STK32B: variants seen among roughly 807,000 people sequenced by gnomAD.
STK32B encodes serine/threonine-protein kinase 32B.
Under a neutral mutation model 52.6 loss-of-function variants are expected in STK32B, and 43 were observed. The observed-to-expected ratio is 0.82, with a 90% confidence interval of 0.64 to 1.05. The LOEUF is 1.05. Ranked by LOEUF, STK32B falls within the 50% of genes least tolerant of loss-of-function variation. The pLI is 0.00. For missense variants in STK32B, 621 were observed against 534.6 expected (o/e 1.16, Z -1.59); for synonymous variants, 238 against 204.3 (o/e 1.17, Z -1.41).
At chr4:5,177,443 G>A (rs578220164) in intron 3 of STK32B, among the ~76,000 whole-genome samples, 67 of 152,240 alleles carry the variant, frequency 4.4e-4, no homozygotes, top group Admixed American at 1.4e-3. Flanking sequence ...TTCACGATGC[G>A]ACTTGAGTGG....
intron 3 of STK32B, among the ~76,000 whole-genome samples, chr4:5,236,296 C>T (rs984781326): frequency 6.6e-6 from 1 of 152,168 alleles, no homozygotes; most frequent in African/African-American, 2.4e-5. Context: ...CAAGCCTCCC[C>T]TCCAAGACTC....
chr4:5,497,697 A>G (rs1409876626), intron 11 of STK32B, among the ~76,000 whole-genome samples: 1 of 126,768 alleles, frequency 7.9e-6, no homozygotes, highest in African/African-American at 4.0e-5. Context: ...AACACTAGGC[A>G]TTCCCACTGT....
Position 5,122,409 on chromosome 4 carries a change from C to T in STK32B, c.53-17496C>T, listed in dbSNP as rs111066719. 8.9e-3 allele frequency among the ~76,000 whole-genome samples: 1,347 copies of T among 152,116 alleles called. 16 individuals carry two copies. Among genetic ancestry groups the T allele is most frequent in the African/African-American group, 0.027 (1,137 of 41,446 alleles). On this transcript the variant is annotated intron_variant, in intron 1 of 11. Coordinates refer to ENST00000282908, the MANE Select transcript of STK32B (RefSeq NM_018401.3). ...ACTCACTCATTCATTCACTCACTCA[C>T]TCATTCATTCACTCATTAACCTACT...
chr4:5,068,984 C>T (rs911070382), intron 1 of STK32B, among the ~76,000 whole-genome samples: 15 of 152,144 alleles, frequency 9.9e-5, no homozygotes, highest in African/African-American at 1.4e-4. Flanking sequence ...TTATTAACAA[C>T]GGTCACCAAT....
intron 3 of STK32B, among the ~76,000 whole-genome samples, chr4:5,294,724 A>G (rs1407529072): frequency 6.6e-6 from 1 of 152,180 alleles, no homozygotes; most frequent in Non-Finnish European, 1.5e-5. Flanking sequence ...GCAAACAGAG[A>G]CAATTTGACT....
At chr4:5,240,773 TG>T (rs1724969352) in intron 3 of STK32B, among the ~76,000 whole-genome samples, 2 of 152,194 alleles carry the variant, frequency 1.3e-5, no homozygotes, top group Non-Finnish European at 2.9e-5. Flanking sequence ...TACAGTCAAA[TG>T]TATCAATTTT....
chr4:5,417,580 A>G (rs1391408123), intron 6 of STK32B, among the ~76,000 whole-genome samples: 2 of 152,074 alleles, frequency 1.3e-5, no homozygotes, highest in African/African-American at 2.4e-5. Flanking sequence ...TGAAGTCTTC[A>G]TTTCTGAAAT....
At chr4:5,081,720 C>A (rs1449357372) in intron 1 of STK32B, among the ~76,000 whole-genome samples, 1 of 152,032 alleles carries the variant, frequency 6.6e-6, no homozygotes, top group African/African-American at 2.4e-5. Flanking sequence ...TTTCAGAATT[C>A]TTCTTTTAAA....
At chr4:5,260,953 A>G (rs1400276974) in intron 3 of STK32B, among the ~76,000 whole-genome samples, 2 of 152,054 alleles carry the variant, frequency 1.3e-5, no homozygotes, top group Non-Finnish European at 2.9e-5. Flanking sequence ...AGTTGTCCTG[A>G]GTTGAGGTGA....
chr4:5,310,340 C>CA (rs1342724678), intron 3 of STK32B, among the ~76,000 whole-genome samples: 1 of 151,908 alleles, frequency 6.6e-6, no homozygotes, highest in Non-Finnish European at 1.5e-5. Context: ...AACTCAACAG[C>CA]AAAAAACAAG....
the STK32B span, among the ~76,000 whole-genome samples, chr4:5,024,903 G>A: frequency 2.6e-4 from 39 of 152,306 alleles, no homozygotes; most frequent in Admixed American, 7.2e-4. Flanking sequence ...CAAGGGGATC[G>A]GGGGAGCTGC....
intron 1 of STK32B, among the ~76,000 whole-genome samples, chr4:5,055,122 C>G (rs1741951062): frequency 6.6e-6 from 1 of 152,074 alleles, no homozygotes; most frequent in South Asian, 2.1e-4. Flanking sequence ...AAAGGTCTCA[C>G]TCTGTCACCC....
At chr4:5,085,951 G>C (rs1418765950) in intron 1 of STK32B, among the ~76,000 whole-genome samples, 2 of 152,120 alleles carry the variant, frequency 1.3e-5, no homozygotes, top group Non-Finnish European at 2.9e-5. Flanking sequence ...AGACTAGCTG[G>C]AAAGGCTTTT....
At chr4:5,416,045 A>G (rs902093243) in intron 5 of STK32B, among the ~76,000 whole-genome samples, 1 of 152,172 alleles carries the variant, frequency 6.6e-6, no homozygotes, top group African/African-American at 2.4e-5. Context: ...AAATAGAGAG[A>G]AATGTAATTG....
chr4:5,168,192 A>AC, intron 2 of STK32B, 107 bp from the exon 3 acceptor site: 2 of 1,425,734 alleles, frequency 1.4e-6, no homozygotes, highest in Non-Finnish European at 1.9e-6. Flanking sequence ...GATTTCAAGA[A>AC]CAGGGACGTG....
chr4:5,045,134 C>G, the STK32B span, among the ~76,000 whole-genome samples: 19 of 152,208 alleles, frequency 1.2e-4, no homozygotes, highest in Non-Finnish European at 2.1e-4. Flanking sequence ...CTGTTCAGAG[C>G]CCTCCAGTGT....
intron 4 of STK32B, among the ~76,000 whole-genome samples, chr4:5,333,079 C>G (rs1178994268): frequency 6.7e-6 from 1 of 148,584 alleles, no homozygotes; most frequent in African/African-American, 2.6e-5. Flanking sequence ...ACACTGACTT[C>G]CACAATGGTT....
chr4:5,128,743 C>T (rs1336987495), intron 1 of STK32B, among the ~76,000 whole-genome samples: 1 of 152,162 alleles, frequency 6.6e-6, no homozygotes, highest in Non-Finnish European at 1.5e-5. Flanking sequence ...CGGCTACTGG[C>T]CCTGGCCAGC....
intron 4 of STK32B, among the ~76,000 whole-genome samples, chr4:5,344,648 T>G (rs751267542): frequency 6.6e-6 from 1 of 151,966 alleles, no homozygotes; most frequent in Non-Finnish European, 1.5e-5. Context: ...TTATCTGAGT[T>G]TTTTGTTTTT....
Sources: allele counts gnomAD v4.1 joint callset (sites outside exome capture counted in the v4.1 genomes callset), GRCh38; gene constraint gnomAD v4.1.1; transcripts MANE v1.5; gene names NCBI Gene and HGNC (gene_info 2026-07-23, HGNC 2026-07-21).